The following PREX1 variants were observed in gnomAD, a reference collection of about 807,000 sequenced individuals.
PREX1 encodes phosphatidylinositol 3,4,5-trisphosphate-dependent Rac exchanger 1 protein.
PREX1 carries 41 observed loss-of-function variants against 198.3 expected under a neutral mutation model. The ratio of observed to expected loss-of-function variants is 0.21; its 90% confidence interval spans 0.16 to 0.27. PREX1 has a LOEUF of 0.27. Ranked by LOEUF, PREX1 falls within the 10% of genes least tolerant of loss-of-function variation. The pLI, the probability that PREX1 is intolerant of heterozygous loss-of-function variation, is 1.00. For synonymous variants in PREX1, 843 were observed against 887.2 expected (o/e 0.95, Z 0.89); for missense variants, 1,620 against 2,200.7 (o/e 0.74, Z 5.28).
At chr20:48,857,948 C>CG in the PREX1 span, among the ~76,000 whole-genome samples, 1 of 152,112 alleles carries the variant, frequency 6.6e-6, no homozygotes, top group African/African-American at 2.4e-5. Context: ...GGCCCTGTGG[C>CG]GGGGGCAAGC....
chr20:48,649,436 G>A lies in PREX1; in HGVS notation c.3169C>T (p.Leu1057Phe), dbSNP rs1227694832. The A allele has an allele frequency of 1.2e-6, 2 of 1,614,194 alleles. No homozygotes were observed. Among genetic ancestry groups the A allele is most frequent in the Admixed American group, 1.7e-5 (1 of 60,030 alleles). ...DGSFGPASGT[L>F]GQEDRGLSFL... Reference sequence around the variant, plus strand: ...CTGAGGCCCCGGTCTTCCTGACCAAGGGTCCCACTGGCTGGCCCGAAGCTG... The same window carrying A: ...CTGAGGCCCCGGTCTTCCTGACCAAAGGTCCCACTGGCTGGCCCGAAGCTG... The change falls in exon 25 of 40, where the codon CTT becomes TTT. Residue 1057 changes from leucine to phenylalanine, a missense_variant. Around this residue, in one of 7 missense-constraint regions of PREX1, gnomAD observed 514 missense variants for 611.6 expected, o/e 0.84. Transcript: ENST00000371941.
chr20:48,732,163 G>C (rs2090037351), intron 4 of PREX1, among the ~76,000 whole-genome samples: 1 of 152,246 alleles, frequency 6.6e-6, no homozygotes, highest in Non-Finnish European at 1.5e-5. Context: ...ATGTGAAGAT[G>C]TAGGTACCGG....
chr20:48,690,045 C>T (rs138243598), intron 9 of PREX1, among the ~76,000 whole-genome samples: 52 of 151,824 alleles, frequency 3.4e-4, no homozygotes, highest in Middle Eastern at 3.4e-3. Context: ...AGCTGTGGGG[C>T]GAAGGGAGGA....
intron 10 of PREX1, 137 bp downstream of exon 10, chr20:48,688,519 TA>T: frequency 8.9e-7 from 1 of 1,125,576 alleles, no homozygotes. Flanking sequence ...GGCTGCTCCA[TA>T]AGGATTCAGG....
chr20:48,724,419 T>C (rs1473865473), intron 5 of PREX1, among the ~76,000 whole-genome samples: 3 of 152,208 alleles, frequency 2.0e-5, no homozygotes, highest in Non-Finnish European at 4.4e-5. Context: ...CAGGGACGGA[T>C]AGTGACTTGC....
intron 1 of PREX1, among the ~76,000 whole-genome samples, chr20:48,826,007 C>T (rs1163343147): frequency 1.3e-5 from 2 of 151,994 alleles, no homozygotes; most frequent in Non-Finnish European, 2.9e-5. Flanking sequence ...CCCCTGCCCC[C>T]AGTACATCTC....
intron 27 of PREX1, 110 bp from the exon 28 acceptor site, chr20:48,642,599 GA>G: frequency 3.1e-6 from 3 of 970,372 alleles, no homozygotes; most frequent in African/African-American, 1.6e-5. Context: ...ACCCACAAGG[GA>G]TGTGGAGTCT....
chr20:48,737,431 A>T (rs2090061912), intron 3 of PREX1, among the ~76,000 whole-genome samples: 1 of 152,088 alleles, frequency 6.6e-6, no homozygotes, highest in South Asian at 2.1e-4. Context: ...CGGCGTTTTC[A>T]TCTGTTGAGG....
chr20:48,825,996 C>A (rs545474011), intron 1 of PREX1, among the ~76,000 whole-genome samples: 6 of 151,972 alleles, frequency 3.9e-5, no homozygotes, highest in African/African-American at 1.2e-4. Context: ...TCTCCCACAT[C>A]CCCCTGCCCC....
intron 5 of PREX1, among the ~76,000 whole-genome samples, chr20:48,709,878 C>T (rs1383900147): frequency 9.9e-5 from 15 of 152,204 alleles, no homozygotes; most frequent in Admixed American, 9.8e-4. Context: ...TCAAACACAT[C>T]CCTTCTTCAT....
intron 35 of PREX1, 28 bp downstream of exon 35, chr20:48,632,249 G>T: frequency 1.9e-6 from 3 of 1,605,862 alleles, no homozygotes; most frequent in Non-Finnish European, 2.6e-6. Context: ...CCTGACTCCT[G>T]CCCCCAACGG....
At chr20:48,631,826 C>A (rs183396431) in intron 35 of PREX1, among the ~76,000 whole-genome samples, 2 of 152,210 alleles carry the variant, frequency 1.3e-5, no homozygotes, top group East Asian at 3.9e-4. Flanking sequence ...TGATACCTGG[C>A]TCCTGCTCTC....
intron 2 of PREX1, 22 bp from the exon 3 acceptor site, chr20:48,745,169 G>C (rs1251586788): frequency 4.3e-6 from 7 of 1,609,674 alleles, no homozygotes; most frequent in Non-Finnish European, 6.0e-6. Context: ...AGAGAGGCCA[G>C]AGGACAGCGT....
At chr20:48,667,513 C>A (rs1366524271) in intron 14 of PREX1, among the ~76,000 whole-genome samples, 4 of 152,164 alleles carry the variant, frequency 2.6e-5, no homozygotes, top group Non-Finnish European at 4.4e-5. Context: ...ATGGAAGATT[C>A]TTCTGTCTGC....
At chr20:48,887,961 T>TTAAATAAA in the PREX1 span, among the ~76,000 whole-genome samples, 2 of 151,576 alleles carry the variant, frequency 1.3e-5, no homozygotes, top group Non-Finnish European at 2.9e-5. Flanking sequence ...AAAAAATAAA[T>TTAAATAAA]TAAATAAATA....
intron 3 of PREX1, among the ~76,000 whole-genome samples, chr20:48,743,209 C>T (rs1465215948): frequency 6.6e-6 from 1 of 152,176 alleles, no homozygotes; most frequent in African/African-American, 2.4e-5. Flanking sequence ...GGCTGGCGAG[C>T]AGTAGAACAG....
Position 48,726,275 on chromosome 20 carries a change from A to T in PREX1, c.621+15T>A. On this transcript the variant is annotated intron_variant, in intron 5 of 39. Transcript: ENST00000371941. ...CAAAGAGTTTTCTGTCACTTCAAAT[A>T]CGGGAAAGTCTCACCTTAAGGAGGA... is the stretch of plus-strand genomic sequence containing the variant. 1 of 1,601,612 alleles carries T rather than the reference A, an allele frequency of 6.2e-7. No homozygotes were observed. Among genetic ancestry groups the T allele is most frequent in the Non-Finnish European group, 8.5e-7 (1 of 1,169,624 alleles).
At chr20:48,885,476 C>T in the PREX1 span, among the ~76,000 whole-genome samples, 1 of 152,174 alleles carries the variant, frequency 6.6e-6, no homozygotes, top group African/African-American at 2.4e-5. Flanking sequence ...GGCACAGCCA[C>T]TTCTGAAGAC....
At chr20:48,653,716 C>A (rs2089520021) in intron 19 of PREX1, among the ~76,000 whole-genome samples, 1 of 152,216 alleles carries the variant, frequency 6.6e-6, no homozygotes, top group Non-Finnish European at 1.5e-5. Context: ...TAGTAGCTGG[C>A]CCAAGGTCAC....
Sources: allele counts gnomAD v4.1 joint callset (sites outside exome capture counted in the v4.1 genomes callset), GRCh38; gene constraint gnomAD v4.1.1; regional missense constraint gnomAD v4.1.1; transcripts MANE v1.5; gene names NCBI Gene and HGNC (gene_info 2026-07-23, HGNC 2026-07-21).